NRXN3: variants seen among roughly 807,000 people sequenced by gnomAD.
NRXN3 encodes neurexin 3, also known as neurexin III.
In NRXN3, 32 loss-of-function variants were observed where a neutral mutation model predicts 137.6. The observed-to-expected ratio is 0.23, with a 90% confidence interval of 0.18 to 0.31. The LOEUF is 0.31. NRXN3 is among the 10% of genes least tolerant of loss of function. NRXN3 has a pLI of 1.00. For synonymous variants in NRXN3, 798 were observed against 784.5 expected (o/e 1.02, Z -0.29); for missense variants, 1,574 against 2,062.5 (o/e 0.76, Z 4.59).
At chr14:79,753,266 C>A (rs996104228) in intron 19 of NRXN3, among the ~76,000 whole-genome samples, 2 of 151,868 alleles carry the variant, frequency 1.3e-5, no homozygotes, top group African/African-American at 4.8e-5. Flanking sequence ...AAGACACATG[C>A]ACACGTATGT....
chr14:79,452,157 C>G (rs2096183806), intron 15 of NRXN3, among the ~76,000 whole-genome samples: 1 of 152,070 alleles, frequency 6.6e-6, no homozygotes, highest in Admixed American at 6.6e-5. Context: ...AGTTTCCAAT[C>G]TAAGTGCACA....
chr14:79,340,573 C>A (rs548234737), intron 15 of NRXN3, among the ~76,000 whole-genome samples: 50 of 152,310 alleles, frequency 3.3e-4, no homozygotes, highest in African/African-American at 1.1e-3. Context: ...TCAAGGGATT[C>A]TCCTGCCTCA....
intron 4 of NRXN3, among the ~76,000 whole-genome samples, chr14:78,575,490 T>A (rs899997419): frequency 6.6e-6 from 1 of 152,224 alleles, no homozygotes; most frequent in African/African-American, 2.4e-5. Flanking sequence ...CTAGAATGCT[T>A]GATCTCTGGG....
intron 15 of NRXN3, among the ~76,000 whole-genome samples, chr14:79,296,977 G>C (rs139225756): frequency 5.9e-5 from 9 of 152,098 alleles, no homozygotes; most frequent in South Asian, 4.2e-4. Context: ...TGATTCCAGC[G>C]CCCTGGCCTT....
chr14:79,741,745 C>A (rs749668745), intron 19 of NRXN3, among the ~76,000 whole-genome samples: 1 of 152,010 alleles, frequency 6.6e-6, no homozygotes, highest in African/African-American at 2.4e-5. Context: ...CTCAGCCTCC[C>A]ACAGTGCTGG....
chr14:79,374,910 C>A (rs943760333), intron 15 of NRXN3, among the ~76,000 whole-genome samples: 2 of 152,126 alleles, frequency 1.3e-5, no homozygotes, highest in Non-Finnish European at 2.9e-5. Flanking sequence ...TCAGAATAAA[C>A]CTCTTTAAAA....
chr14:78,187,282 C>G (rs2060311633), intron 1 of NRXN3, among the ~76,000 whole-genome samples: 1 of 147,954 alleles, frequency 6.8e-6, no homozygotes, highest in Non-Finnish European at 1.5e-5. Flanking sequence ...TTTTTTTTTC[C>G]TCAAAGCTTG....
chr14:79,363,875 G>T (rs2093779020), intron 15 of NRXN3, among the ~76,000 whole-genome samples: 1 of 152,164 alleles, frequency 6.6e-6, no homozygotes, highest in African/African-American at 2.4e-5. Context: ...CCTGGCCCAG[G>T]TTTATCTCTG....
intron 10 of NRXN3, among the ~76,000 whole-genome samples, chr14:78,860,260 A>G (rs951000337): frequency 1.3e-5 from 2 of 152,286 alleles, no homozygotes; most frequent in Admixed American, 6.5e-5. Flanking sequence ...TATTTTTACT[A>G]TCATCCTTAT....
intron 15 of NRXN3, among the ~76,000 whole-genome samples, chr14:79,286,556 A>G (rs991021788): frequency 3.4e-5 from 5 of 148,060 alleles, no homozygotes; most frequent in African/African-American, 1.2e-4. Context: ...ATATATATAT[A>G]TATAGTGTAT....
At chr14:79,638,847 T>A (rs181407676) in intron 16 of NRXN3, among the ~76,000 whole-genome samples, 1 of 152,334 alleles carries the variant, frequency 6.6e-6, no homozygotes, top group Admixed American at 6.5e-5. Context: ...CATGCCATCA[T>A]GGCAAAAAAT....
chr14:78,350,913 C>G (rs528799665), intron 4 of NRXN3, among the ~76,000 whole-genome samples: 11 of 152,102 alleles, frequency 7.2e-5, no homozygotes, highest in Admixed American at 6.5e-5. Context: ...ACCCCATTAC[C>G]CAGAATGAAC....
At chr14:79,440,568 A>G (rs1360719937) in intron 15 of NRXN3, among the ~76,000 whole-genome samples, 2 of 152,180 alleles carry the variant, frequency 1.3e-5, no homozygotes, top group African/African-American at 4.8e-5. Context: ...TGATCCCCAT[A>G]GTATATTTAG....
intron 10 of NRXN3, among the ~76,000 whole-genome samples, chr14:78,829,878 A>G (rs559926638): frequency 7.2e-5 from 11 of 152,132 alleles, no homozygotes; most frequent in African/African-American, 1.4e-4. Flanking sequence ...AGGGAAGTTA[A>G]TTAGAGTGTC....
intron 15 of NRXN3, among the ~76,000 whole-genome samples, chr14:79,259,246 G>T (rs1258154723): frequency 2.0e-5 from 3 of 152,172 alleles, no homozygotes; most frequent in Non-Finnish European, 4.4e-5. Context: ...AAAGAACATT[G>T]TGTGTCAAAA....
intron 4 of NRXN3, among the ~76,000 whole-genome samples, chr14:78,450,819 C>G (rs142695818): frequency 6.6e-6 from 1 of 152,138 alleles, no homozygotes; most frequent in African/African-American, 2.4e-5. Context: ...CATGGTGGCG[C>G]GAGAGGTTAG....
At chr14:79,205,167 G>A (rs1013144038) in intron 15 of NRXN3, among the ~76,000 whole-genome samples, 4 of 152,118 alleles carry the variant, frequency 2.6e-5, no homozygotes, top group African/African-American at 4.8e-5. Context: ...TAATTGCCGC[G>A]AATAGTAACT....
intron 19 of NRXN3, among the ~76,000 whole-genome samples, chr14:79,762,726 T>C (rs1212638892): frequency 1.3e-5 from 2 of 151,654 alleles, no homozygotes; most frequent in African/African-American, 2.4e-5. Flanking sequence ...GTGCGATGCC[T>C]GTCACAAAGA....
intron 8 of NRXN3, among the ~76,000 whole-genome samples, chr14:78,784,524 G>A (rs962722095): frequency 6.6e-6 from 1 of 152,104 alleles, no homozygotes; most frequent in African/African-American, 2.4e-5. Flanking sequence ...GGCCAAACCT[G>A]GACATAAGAT....
Sources: allele counts gnomAD v4.1 joint callset (sites outside exome capture counted in the v4.1 genomes callset), GRCh38; gene constraint gnomAD v4.1.1; transcripts MANE v1.5; gene names NCBI Gene and HGNC (gene_info 2026-07-23, HGNC 2026-07-21).